Variants in CDH12 observed in about 807,000 individuals in gnomAD.
The protein encoded by CDH12 is cadherin-12.
A neutral mutation model predicts 74.1 loss-of-function variants in CDH12; 41 were observed. The ratio of observed to expected loss-of-function variants is 0.55; its 90% confidence interval spans 0.43 to 0.72. CDH12 has a LOEUF of 0.72. Among genes scored for constraint, CDH12 ranks in the 30% least tolerant of loss-of-function variants. CDH12 has a pLI of 0.00. For missense variants in CDH12, 945 were observed against 977.2 expected (o/e 0.97, Z 0.44); for synonymous variants, 399 against 355.0 (o/e 1.12, Z -1.39).
chr5:21,897,598 G>T (rs1332640364), intron 6 of CDH12, among the ~76,000 whole-genome samples: 1 of 152,078 alleles, frequency 6.6e-6, no homozygotes, highest in Non-Finnish European at 1.5e-5. Flanking sequence ...ATTGAAGCCA[G>T]CTCTAAAAGA....
At chr5:21,989,574 T>C (rs1271862055) in intron 5 of CDH12, among the ~76,000 whole-genome samples, 1 of 152,044 alleles carries the variant, frequency 6.6e-6, no homozygotes, top group African/African-American at 2.4e-5. Context: ...GTACCCCCCA[T>C]TGCCTCTCCC....
intron 5 of CDH12, among the ~76,000 whole-genome samples, chr5:22,002,353 C>T (rs1016252059): frequency 1.3e-5 from 2 of 151,746 alleles, no homozygotes; most frequent in African/African-American, 4.8e-5. Context: ...ACAGAGCTAC[C>T]CTTTTGTTAC....
At chr5:22,007,435 C>T (rs1737032925) in intron 5 of CDH12, among the ~76,000 whole-genome samples, 1 of 147,476 alleles carries the variant, frequency 6.8e-6, no homozygotes, top group Non-Finnish European at 1.5e-5. Flanking sequence ...CTGTTGTACA[C>T]CATAAAGATA....
chr5:22,127,227 C>A (rs1290459122), intron 4 of CDH12, among the ~76,000 whole-genome samples: 1 of 152,040 alleles, frequency 6.6e-6, no homozygotes, highest in South Asian at 2.1e-4. Context: ...GGCACGGTGG[C>A]TCAAGCCTGT....
chr5:22,161,238 T>C (rs776339703), intron 4 of CDH12, among the ~76,000 whole-genome samples: 2 of 152,176 alleles, frequency 1.3e-5, no homozygotes, highest in Non-Finnish European at 2.9e-5. Context: ...CCCCTAAAAC[T>C]TTTTGTTTCA....
chr5:22,095,706 C>G (rs1445999809), intron 4 of CDH12, among the ~76,000 whole-genome samples: 1 of 151,054 alleles, frequency 6.6e-6, no homozygotes, highest in Non-Finnish European at 1.5e-5. Context: ...CTCTGCTTTT[C>G]TGGGGGCAAG....
At position 22,584,109 on chromosome 5, in the gene CDH12, TATTA is replaced by T. The variant is rs1223371145; in HGVS notation, c.-522-78749_-522-78746del. Among the ~76,000 whole-genome samples the T allele has an allele frequency of 2.2e-3, 299 of 134,662 alleles. 2 individuals are homozygous for T. Among genetic ancestry groups the T allele is most frequent in the African/African-American group, 7.9e-3 (281 of 35,632 alleles). The allele number at this position is 134,662 out of a possible 152,430, so 88.3% of individuals were successfully genotyped here. A position where few individuals can be genotyped will look rare whatever the true frequency, so the allele number is the denominator to read the frequency against. On this transcript the variant is annotated intron_variant, in intron 1 of 14. Coordinates refer to ENST00000382254, the MANE Select transcript of CDH12 (RefSeq NM_004061.5). Reference sequence around the variant, plus strand: ...TTATTTATTTATTTATTTATTTATTTATTATTTTTGAGACGGAGTCTTGCTCTGT... The same window carrying T: ...TTATTTATTTATTTATTTATTTATTTTTTTTGAGACGGAGTCTTGCTCTGT...
chr5:21,751,448 C>A lies in CDH12; in HGVS notation c.*289G>T, dbSNP rs1361290870. The A allele has an allele frequency of 2.6e-5, 9 of 340,492 alleles. No individual in the cohort carries two copies. Among genetic ancestry groups the A allele is most frequent in the South Asian group, 7.7e-5 (2 of 25,956 alleles). The allele number at this position is 340,492 out of a possible 1,614,324, so 21.1% of individuals were successfully genotyped here. A position where few individuals can be genotyped will look rare whatever the true frequency, so the allele number is the denominator to read the frequency against. ...ATGTCAGTAAATTGTATTGAATAGG[C>A]CTGAGCTTGTCTCAGTGTGATTGTG... On this transcript the variant is annotated 3_prime_UTR_variant, in exon 15 of 15. Coordinates refer to ENST00000382254, the MANE Select transcript of CDH12 (RefSeq NM_004061.5).
intron 4 of CDH12, among the ~76,000 whole-genome samples, chr5:22,182,152 T>C (rs1749683219): frequency 6.6e-6 from 1 of 152,086 alleles, no homozygotes; most frequent in Admixed American, 6.6e-5. Context: ...TTCTTCTCTC[T>C]GTTCAAATAT....
chr5:22,483,769 T>TATATATATATATATATATAAA (rs1554044195), intron 2 of CDH12, among the ~76,000 whole-genome samples: 7 of 118,614 alleles, frequency 5.9e-5, no homozygotes, highest in Non-Finnish European at 1.1e-4. Context: ...TATATAAATT[T>TATATATATATATATATATAAA]AATTAATTGG....
chr5:22,396,543 G>A (rs1742471288), intron 3 of CDH12, among the ~76,000 whole-genome samples: 1 of 152,122 alleles, frequency 6.6e-6, no homozygotes, highest in African/African-American at 2.4e-5. Context: ...TAGAAGGGAA[G>A]GGGAGGTCTG....
intron 3 of CDH12, among the ~76,000 whole-genome samples, chr5:22,277,252 T>C (rs1736674174): frequency 6.6e-6 from 1 of 152,230 alleles, no homozygotes; most frequent in Non-Finnish European, 1.5e-5. Flanking sequence ...GGTATTTCTC[T>C]GCCACGAATG....
chr5:21,993,810 C>T (rs1177688620), intron 5 of CDH12, among the ~76,000 whole-genome samples: 2 of 151,876 alleles, frequency 1.3e-5, no homozygotes, highest in Admixed American at 1.3e-4. Context: ...GGGTTATTTT[C>T]AGCTGCTAAG....
At chr5:22,092,665 C>T (rs567813391) in intron 4 of CDH12, among the ~76,000 whole-genome samples, 1 of 152,066 alleles carries the variant, frequency 6.6e-6, no homozygotes, top group African/African-American at 2.4e-5. Flanking sequence ...AATGGTGGAG[C>T]TTTTTTGGAT....
At chr5:22,211,766 TAA>T (rs1247981609) in intron 4 of CDH12, among the ~76,000 whole-genome samples, 1 of 151,036 alleles carries the variant, frequency 6.6e-6, no homozygotes, top group East Asian at 1.9e-4. Flanking sequence ...AAATAAAACA[TAA>T]AAAAGATTTT....
At chr5:21,984,634 G>C (rs1274742102) in intron 5 of CDH12, among the ~76,000 whole-genome samples, 1 of 152,154 alleles carries the variant, frequency 6.6e-6, no homozygotes, top group Non-Finnish European at 1.5e-5. Context: ...CAGAATTACG[G>C]GTTGTTATTT....
At chr5:22,024,824 T>G (rs1738245677) in intron 5 of CDH12, among the ~76,000 whole-genome samples, 1 of 152,134 alleles carries the variant, frequency 6.6e-6, no homozygotes, top group Non-Finnish European at 1.5e-5. Context: ...AAAAGCAAAT[T>G]AAATTAGTAC....
At chr5:22,002,208 AT>A in intron 5 of CDH12, among the ~76,000 whole-genome samples, 1 of 152,280 alleles carries the variant, frequency 6.6e-6, no homozygotes, top group South Asian at 2.1e-4. Flanking sequence ...TTAATTTTGT[AT>A]TTTTAAATGA....
chr5:22,470,662 C>T (rs1304424678), intron 2 of CDH12, among the ~76,000 whole-genome samples: 2 of 152,056 alleles, frequency 1.3e-5, no homozygotes, highest in African/African-American at 4.8e-5. Flanking sequence ...GTCAAGTGCT[C>T]TTACGTAAGC....
Sources: gnomAD v4.1 joint callset for allele counts (sites outside exome capture counted in the v4.1 genomes callset) on GRCh38, gnomAD v4.1.1 for gene constraint, MANE v1.5 for transcripts, NCBI Gene and HGNC (gene_info 2026-07-23, HGNC 2026-07-21) for gene names.